Variants in CWH43 observed in about 807,000 individuals in gnomAD.
CWH43 encodes the protein cell wall biogenesis 43 C-terminal homolog, also known as PGAP2-interacting protein.
CWH43 carries 91 observed loss-of-function variants against 85.7 expected under a neutral mutation model. The observed-to-expected ratio is 1.06, with a 90% CI of 0.90 to 1.26. The LOEUF (loss-of-function observed/expected upper bound fraction) is 1.26, where lower values mean the gene tolerates loss of function less well. CWH43 is among the 50% of genes most tolerant of loss of function. CWH43 has a pLI of 0.00. For synonymous variants in CWH43, 323 were observed against 293.6 expected (o/e 1.10, Z -1.02); for missense variants, 869 against 839.2 (o/e 1.04, Z -0.44).
chr4:49,040,137 G>A (rs1024671247), intron 13 of CWH43, among the ~76,000 whole-genome samples: 1 of 152,100 alleles, frequency 6.6e-6, no homozygotes, highest in Non-Finnish European at 1.5e-5. Context: ...TCTTAATCCA[G>A]TCTATCATTG....
intron 8 of CWH43, among the ~76,000 whole-genome samples, chr4:49,012,480 A>G (rs1049600796): frequency 6.6e-6 from 1 of 152,200 alleles, no homozygotes; most frequent in Non-Finnish European, 1.5e-5. Context: ...CTGTCAACTC[A>G]TCAAAGTCAT....
intron 1 of CWH43, among the ~76,000 whole-genome samples, chr4:48,988,182 A>T (rs935584835): frequency 5.9e-5 from 9 of 152,218 alleles, no homozygotes; most frequent in Admixed American, 5.2e-4. Context: ...TATATCCTAC[A>T]GATATACTCA....
At chr4:49,042,089 A>C (rs1455149251) in intron 13 of CWH43, among the ~76,000 whole-genome samples, 1 of 152,186 alleles carries the variant, frequency 6.6e-6, no homozygotes, top group Non-Finnish European at 1.5e-5. Context: ...TTGCTCATGA[A>C]TCTGGACTTC....
intron 12 of CWH43, among the ~76,000 whole-genome samples, chr4:49,035,966 T>A (rs910968841): frequency 3.3e-5 from 5 of 152,176 alleles, no homozygotes; most frequent in African/African-American, 1.2e-4. Context: ...CTTAACAAGA[T>A]GCTGGAGGGA....
At chr4:49,027,202 T>C (rs1217415252) in intron 9 of CWH43, among the ~76,000 whole-genome samples, 1 of 152,080 alleles carries the variant, frequency 6.6e-6, no homozygotes, top group African/African-American at 2.4e-5. Context: ...GTAATGGAAG[T>C]AGAGTTGGAG....
intron 14 of CWH43, among the ~76,000 whole-genome samples, chr4:49,048,919 C>G (rs372891694): frequency 6.6e-6 from 1 of 152,246 alleles, no homozygotes; most frequent in East Asian, 1.9e-4. Context: ...GCCTTCATCT[C>G]AATCACCAAA....
At chr4:49,011,672 G>A (rs182518681) in intron 8 of CWH43, among the ~76,000 whole-genome samples, 1 of 152,260 alleles carries the variant, frequency 6.6e-6, no homozygotes, top group Non-Finnish European at 1.5e-5. Context: ...TTTAGGGCAG[G>A]CCTGGTGGTG....
chr4:48,988,927 C>G (rs1300918186), intron 2 of CWH43, among the ~76,000 whole-genome samples: 1 of 152,144 alleles, frequency 6.6e-6, no homozygotes, highest in Non-Finnish European at 1.5e-5. Context: ...CCTTAAAGAA[C>G]TGATCAGCTC....
chr4:49,040,811 C>A (rs1052848524), intron 13 of CWH43, among the ~76,000 whole-genome samples: 2 of 152,054 alleles, frequency 1.3e-5, no homozygotes, highest in Non-Finnish European at 2.9e-5. Context: ...GACATGAAGT[C>A]CTTGCCCATG....
At chr4:49,049,939 C>G (rs1452847942) in intron 14 of CWH43, among the ~76,000 whole-genome samples, 1 of 152,186 alleles carries the variant, frequency 6.6e-6, no homozygotes, top group Non-Finnish European at 1.5e-5. Flanking sequence ...TCCTTCCCTA[C>G]TAGAATGAAA....
At chr4:49,054,014 T>C (rs1190723377) in intron 15 of CWH43, among the ~76,000 whole-genome samples, 1 of 152,198 alleles carries the variant, frequency 6.6e-6, no homozygotes, top group Non-Finnish European at 1.5e-5. Flanking sequence ...GCTTGTTAGT[T>C]CGATAGAATC....
intron 14 of CWH43, among the ~76,000 whole-genome samples, chr4:49,048,276 G>A (rs1169382192): frequency 2.0e-5 from 3 of 151,124 alleles, no homozygotes; most frequent in Non-Finnish European, 4.4e-5. Context: ...GGATGGCAGA[G>A]TTTATATATA....
chr4:49,052,413 A>C (rs1784827955), intron 15 of CWH43, among the ~76,000 whole-genome samples: 1 of 152,214 alleles, frequency 6.6e-6, no homozygotes, highest in South Asian at 2.1e-4. Flanking sequence ...TGGCACAAAA[A>C]GTTTTTAGAA....
intron 13 of CWH43, among the ~76,000 whole-genome samples, chr4:49,041,526 C>T (rs977097618): frequency 6.6e-6 from 1 of 152,170 alleles, no homozygotes; most frequent in African/African-American, 2.4e-5. Flanking sequence ...GGAGTTCACT[C>T]ATGATTTGGC....
At chr4:49,025,857 A>G (rs151267820) in intron 9 of CWH43, among the ~76,000 whole-genome samples, 1 of 152,272 alleles carries the variant, frequency 6.6e-6, no homozygotes, top group African/African-American at 2.4e-5. Context: ...TCAAGAGCAC[A>G]TCAGCTGTGG....
At chr4:49,037,584 G>C (rs1784298780) in intron 12 of CWH43, among the ~76,000 whole-genome samples, 1 of 138,458 alleles carries the variant, frequency 7.2e-6, no homozygotes, top group Non-Finnish European at 1.6e-5. Context: ...AAAAAAAAAA[G>C]TGTTCAGTTG....
Position 49,048,461 on chromosome 4 carries a change from TAAC to T in CWH43, c.1866-2230_1866-2228del, listed in dbSNP as rs1156868166. ...TGTATGAATTTAATACTCTGTGACA[TAAC>T]AAAATACCATAGACTTGGTGGTCTA... On this transcript the variant is annotated intron_variant, in intron 14 of 15. Transcript: ENST00000226432. Among the ~76,000 whole-genome samples the T allele has an allele frequency of 2.6e-5, 4 of 151,996 alleles. No homozygotes were observed. The East Asian group carries it at 7.7e-4, about 29-fold the overall frequency.
At chr4:48,991,841 A>G (rs1782669941) in intron 3 of CWH43, 95 bp from the exon 4 acceptor site, 1 of 1,111,932 alleles carries the variant, frequency 9.0e-7, no homozygotes, top group Non-Finnish European at 1.3e-6. Context: ...CAATAAGACT[A>G]TTTCAGCTAC....
intron 7 of CWH43, among the ~76,000 whole-genome samples, chr4:49,005,576 T>C (rs1218694199): frequency 2.0e-5 from 3 of 151,578 alleles, no homozygotes; most frequent in African/African-American, 7.3e-5. Flanking sequence ...TTTTTTTTTT[T>C]TGAGACAGGG....
Sources: gnomAD v4.1 joint callset for allele counts (sites outside exome capture counted in the v4.1 genomes callset) on GRCh38, gnomAD v4.1.1 for gene constraint, MANE v1.5 for transcripts, NCBI Gene and HGNC (gene_info 2026-07-23, HGNC 2026-07-21) for gene names.